PCDH9: variants seen among roughly 807,000 people sequenced by gnomAD.
PCDH9 encodes protocadherin 9.
Under a neutral mutation model 70.6 loss-of-function variants are expected in PCDH9, and 24 were observed. The observed-to-expected ratio is 0.34, with a 90% CI of 0.25 to 0.48. The LOEUF is 0.48. Ranked by LOEUF, PCDH9 falls within the 20% of genes least tolerant of loss-of-function variation. PCDH9 has a pLI of 0.99. For synonymous variants in PCDH9, 562 were observed against 558.5 expected (o/e 1.01, Z -0.09); for missense variants, 1,281 against 1,503.6 (o/e 0.85, Z 2.45).
chr13:66,476,148 T>C (rs559623263), intron 4 of PCDH9, among the ~76,000 whole-genome samples: 6 of 152,184 alleles, frequency 3.9e-5, no homozygotes, highest in African/African-American at 7.2e-5. Context: ...ACCTCACTTA[T>C]AACACCCCCC....
At chr13:66,846,449 A>C (rs1251867210) in intron 3 of PCDH9, among the ~76,000 whole-genome samples, 1 of 152,150 alleles carries the variant, frequency 6.6e-6, no homozygotes, top group East Asian at 1.9e-4. Context: ...AGCCACCTAA[A>C]ATACTAGAAG....
At chr13:67,088,720 T>C (rs2138204612) in intron 2 of PCDH9, among the ~76,000 whole-genome samples, 1 of 152,100 alleles carries the variant, frequency 6.6e-6, no homozygotes, top group East Asian at 1.9e-4. Context: ...GGCTCCAGAG[T>C]ATCTGAGTTA....
In PCDH9 at chr13:67,071,888, C is replaced by CAAA. The variant is rs5804309; in HGVS notation, c.3036+153514_3036+153516dup. On this transcript the variant is annotated intron_variant, in intron 2 of 4. Transcript: ENST00000377865. ...TGGGCAACAGAGGGAGACTTTGTCTCAAAAAAAAAAAAAAAAAAAAGAGAG... is the reference window on the plus strand; with the variant it reads ...TGGGCAACAGAGGGAGACTTTGTCTCAAAAAAAAAAAAAAAAAAAAAAAGAGAG... 4.7e-4 allele frequency among the ~76,000 whole-genome samples: 41 copies of CAAA among 86,654 alleles called. 2 individuals are homozygous for CAAA. Among genetic ancestry groups the CAAA allele is most frequent in the African/African-American group, 1.6e-3 (35 of 22,444 alleles). The allele number at this position is 86,654 out of a possible 152,430, so 56.8% of individuals were successfully genotyped here.
chr13:67,164,263 C>A (rs1379417424), intron 2 of PCDH9, among the ~76,000 whole-genome samples: 1 of 151,894 alleles, frequency 6.6e-6, no homozygotes, highest in Non-Finnish European at 1.5e-5. Context: ...TAGGAAAATT[C>A]AGAAATTAGC....
chr13:66,679,074 A>G (rs998066420), intron 3 of PCDH9, among the ~76,000 whole-genome samples: 1 of 151,724 alleles, frequency 6.6e-6, no homozygotes, highest in Non-Finnish European at 1.5e-5. Context: ...TACATAATAT[A>G]CACCTGTTCA....
intron 2 of PCDH9, among the ~76,000 whole-genome samples, chr13:67,041,436 A>C (rs2085111283): frequency 6.6e-6 from 1 of 152,212 alleles, no homozygotes; most frequent in Admixed American, 6.5e-5. Flanking sequence ...AAAGAAGTAC[A>C]TAACAGATCT....
intron 4 of PCDH9, among the ~76,000 whole-genome samples, chr13:66,479,040 A>T (rs897672726): frequency 6.6e-6 from 1 of 152,198 alleles, no homozygotes; most frequent in African/African-American, 2.4e-5. Context: ...ACTTTCAGTT[A>T]AACCAATGGT....
intron 3 of PCDH9, among the ~76,000 whole-genome samples, chr13:66,654,486 A>G (rs932849685): frequency 6.6e-6 from 1 of 152,184 alleles, no homozygotes; most frequent in African/African-American, 2.4e-5. Context: ...ATCACTTACA[A>G]CACAAATAAA....
intron 3 of PCDH9, among the ~76,000 whole-genome samples, chr13:66,829,431 C>T (rs1159648801): frequency 6.6e-6 from 1 of 151,852 alleles, no homozygotes; most frequent in African/African-American, 2.4e-5. Context: ...CTAGTGTTTA[C>T]TTGGGTTGGA....
intron 2 of PCDH9, among the ~76,000 whole-genome samples, chr13:66,906,113 C>T (rs2082356065): frequency 6.6e-6 from 1 of 152,122 alleles, no homozygotes; most frequent in African/African-American, 2.4e-5. Flanking sequence ...TAAATAACCA[C>T]CATGATGAGT....
At chr13:66,686,826 G>C (rs2078410243) in intron 3 of PCDH9, among the ~76,000 whole-genome samples, 2 of 152,002 alleles carry the variant, frequency 1.3e-5, no homozygotes, top group South Asian at 4.2e-4. Flanking sequence ...CAGGGCACAG[G>C]ACTAGAAAAA....
At position 66,571,758 on chromosome 13, in the gene PCDH9, A is replaced by T. The variant is rs370047632; in HGVS notation, c.3340+59452T>A. The stretch of plus-strand genomic sequence containing the variant: ...AGTGACTGGGTAAATAATTCTTCTG[A>T]GGTCACAAAATAGTCAAATGTTTGG... On this transcript the variant is annotated intron_variant, in intron 4 of 4. Transcript: ENST00000377865. 8.6e-4 allele frequency among the ~76,000 whole-genome samples: 131 copies of T among 152,194 alleles called. 4 individuals are homozygous for T. The South Asian group carries it at 0.026, about 30-fold the overall frequency.
intron 4 of PCDH9, among the ~76,000 whole-genome samples, chr13:66,512,526 C>T (rs1336731755): frequency 6.6e-6 from 1 of 151,990 alleles, no homozygotes; most frequent in Non-Finnish European, 1.5e-5. Flanking sequence ...TTTCTGTAGT[C>T]CTGAATGAAT....
At chr13:66,736,875 T>C (rs950226177) in intron 3 of PCDH9, among the ~76,000 whole-genome samples, 1 of 152,200 alleles carries the variant, frequency 6.6e-6, no homozygotes, top group African/African-American at 2.4e-5. Context: ...CTAACAACTC[T>C]ATCTTCCAGA....
At chr13:66,811,143 T>TA (rs1382941094) in intron 3 of PCDH9, among the ~76,000 whole-genome samples, 4 of 152,112 alleles carry the variant, frequency 2.6e-5, no homozygotes, top group African/African-American at 9.7e-5. Flanking sequence ...TTTAATTCAG[T>TA]AAAAAAATTG....
chr13:66,611,174 T>C (rs1404449463), intron 4 of PCDH9, among the ~76,000 whole-genome samples: 1 of 152,168 alleles, frequency 6.6e-6, no homozygotes, highest in East Asian at 1.9e-4. Context: ...TTTAATTCTT[T>C]CCTTTCATTG....
intron 2 of PCDH9, among the ~76,000 whole-genome samples, chr13:67,168,642 G>T (rs1341143142): frequency 6.6e-6 from 1 of 151,950 alleles, no homozygotes; most frequent in Non-Finnish European, 1.5e-5. Flanking sequence ...GAGATGGGGG[G>T]ATTACTTGAG....
intron 4 of PCDH9, among the ~76,000 whole-genome samples, chr13:66,379,110 G>T (rs1246167347): frequency 1.3e-5 from 2 of 152,168 alleles, no homozygotes; most frequent in African/African-American, 2.4e-5. Flanking sequence ...AGCAGATGAA[G>T]AAATAAGGGC....
intron 2 of PCDH9, among the ~76,000 whole-genome samples, chr13:67,053,145 A>G (rs987843450): frequency 6.6e-6 from 1 of 152,080 alleles, no homozygotes; most frequent in African/African-American, 2.4e-5. Context: ...ACAATCTACA[A>G]GCAGAAAAAA....
Sources: gnomAD v4.1 joint callset for allele counts (sites outside exome capture counted in the v4.1 genomes callset) on GRCh38, gnomAD v4.1.1 for gene constraint, MANE v1.5 for transcripts, NCBI Gene and HGNC (gene_info 2026-07-23, HGNC 2026-07-21) for gene names.